Variants in KLHL6 observed in about 807,000 individuals in gnomAD.
The protein encoded by KLHL6 is kelch-like protein 6.
In KLHL6, 41 loss-of-function variants were observed where a neutral mutation model predicts 58.6. The observed-to-expected ratio is 0.70, with a 90% confidence interval of 0.55 to 0.91. The LOEUF is 0.91. Ranked by LOEUF, KLHL6 falls within the 40% of genes least tolerant of loss-of-function variation. KLHL6 has a pLI of 0.00. For missense variants in KLHL6, 714 were observed against 805.6 expected, an observed-to-expected ratio of 0.89 and a Z score of 1.38; for synonymous variants, 338 against 322.7, an observed-to-expected ratio of 1.05 and a Z score of -0.51.
chr3:183,528,885 A>G (rs900597036), intron 1 of KLHL6, among the ~76,000 whole-genome samples: 11 of 152,226 alleles, frequency 7.2e-5, no homozygotes, highest in African/African-American at 2.7e-4. Flanking sequence ...TAGCAAAGAC[A>G]TAGAATCAAC....
intron 1 of KLHL6, among the ~76,000 whole-genome samples, chr3:183,529,580 G>A (rs1712090177): frequency 6.6e-6 from 1 of 152,166 alleles, no homozygotes; most frequent in African/African-American, 2.4e-5. Context: ...GCTTATGCTT[G>A]TAATCCCAGC....
chr3:183,492,742 G>A lies in KLHL6; in HGVS notation c.1351-35C>T, dbSNP rs755054008. ...CACAGGGCACAAGAAGAAGCTGTCA[G>A]TCATGCTGCCCAGATTGCTGCAGTA... On this transcript the variant is annotated intron_variant, in intron 5 of 6. Coordinates refer to ENST00000341319, the MANE Select transcript of KLHL6 (RefSeq NM_130446.4). The surrounding 1 kb of genome is among the most constrained non-coding windows in gnomAD (Gnocchi z 5.9). 3.8e-6 allele frequency: 6 copies of A among 1,599,692 alleles called. No individual in the cohort carries two copies. Among genetic ancestry groups the A allele is most frequent in the Non-Finnish European group, 5.1e-6 (6 of 1,169,838 alleles).
intron 1 of KLHL6, among the ~76,000 whole-genome samples, chr3:183,540,465 T>A (rs1488828233): frequency 6.6e-6 from 1 of 152,182 alleles, no homozygotes; most frequent in Non-Finnish European, 1.5e-5. Context: ...CTTGGACCAG[T>A]TTGAGCTGAA....
At position 183,488,893 on chromosome 3, in the gene KLHL6, A is replaced by G. The variant is rs375638291; in HGVS notation, c.*3034T>C. The G allele has an allele frequency of 1.5e-4, 23 of 152,304 alleles. No homozygotes were observed. Among genetic ancestry groups the G allele is most frequent in the African/African-American group, 5.3e-4 (22 of 41,562 alleles). The allele number at this position is 152,304 out of a possible 1,614,324, so 9.4% of individuals were successfully genotyped here. On this transcript the variant is annotated 3_prime_UTR_variant, in exon 7 of 7. Transcript: ENST00000341319. ...GGTGTATCTGTTCCCTACCCATGCC[A>G]TTATTAGGAATCCCTATTTCTTGAG...
chr3:183,519,674 G>A (rs939563073), intron 2 of KLHL6, among the ~76,000 whole-genome samples: 5 of 151,756 alleles, frequency 3.3e-5, no homozygotes, highest in African/African-American at 4.8e-5. Context: ...ATTGCTTGAG[G>A]CAAGGAGTTC....
chr3:183,548,926 A>G (rs1304570556), intron 1 of KLHL6: 1 of 151,810 alleles, frequency 6.6e-6, no homozygotes, highest in Non-Finnish European at 1.5e-5. Flanking sequence ...GTTCTCACTC[A>G]TAAGTGGGAG....
At chr3:183,526,163 TA>T (rs1711960019) in intron 2 of KLHL6, among the ~76,000 whole-genome samples, 1 of 151,998 alleles carries the variant, frequency 6.6e-6, no homozygotes, top group African/African-American at 2.4e-5. Flanking sequence ...CAAAAAAAAT[TA>T]GCCGGGCGTG....
At chr3:183,500,757 G>C (rs776409262) in intron 3 of KLHL6, among the ~76,000 whole-genome samples, 40 of 152,180 alleles carry the variant, frequency 2.6e-4, no homozygotes, top group Non-Finnish European at 4.9e-4. Flanking sequence ...AGGTTCCATA[G>C]GTGTGCTGAC....
At chr3:183,531,424 C>G (rs1712153466) in intron 1 of KLHL6, among the ~76,000 whole-genome samples, 1 of 138,822 alleles carries the variant, frequency 7.2e-6, no homozygotes, top group African/African-American at 2.7e-5. Flanking sequence ...TTCCTTCTTT[C>G]TGTTCTTTTT....
chr3:183,501,603 C>T (rs1717868254), intron 3 of KLHL6, among the ~76,000 whole-genome samples: 1 of 152,174 alleles, frequency 6.6e-6, no homozygotes, highest in Non-Finnish European at 1.5e-5. Flanking sequence ...TAGCCGTGAT[C>T]TTACCTCCTG....
chr3:183,548,228 T>G (rs1712791898), intron 1 of KLHL6, among the ~76,000 whole-genome samples: 1 of 152,180 alleles, frequency 6.6e-6, no homozygotes, highest in Non-Finnish European at 1.5e-5. Context: ...TTCTCACCAT[T>G]TGGGAAGCCC....
chr3:183,504,542 T>C (rs1000230775), intron 3 of KLHL6, among the ~76,000 whole-genome samples: 4 of 152,198 alleles, frequency 2.6e-5, no homozygotes, highest in African/African-American at 9.6e-5. Flanking sequence ...TGCAGCAATT[T>C]TGCAGAAGAC....
intron 1 of KLHL6, among the ~76,000 whole-genome samples, chr3:183,534,073 CCTTTAAAAGTACTTTACTTTTAAAGTA>C (rs1553812518): frequency 0.036 from 1,366 of 38,308 alleles, 15 homozygotes; most frequent in Middle Eastern, 0.081. Flanking sequence ...TAATCACCAG[CCTTTAAAAGTACTTTACTTTTAAAGTA>C]CTTTAAAAGT....
chr3:183,496,953 C>T (rs1003850207), intron 4 of KLHL6, among the ~76,000 whole-genome samples: 1 of 152,098 alleles, frequency 6.6e-6, no homozygotes, highest in Non-Finnish European at 1.5e-5. Context: ...GCCTGGCCAA[C>T]ATGGTGAAAC....
At chr3:183,546,135 G>A (rs1712709918) in intron 1 of KLHL6, among the ~76,000 whole-genome samples, 1 of 152,176 alleles carries the variant, frequency 6.6e-6, no homozygotes, top group Non-Finnish European at 1.5e-5. Flanking sequence ...CCCTACAAGT[G>A]TATCCAGGGC....
chr3:183,512,430 A>G (rs1718215247), intron 2 of KLHL6, among the ~76,000 whole-genome samples: 1 of 152,244 alleles, frequency 6.6e-6, no homozygotes, highest in African/African-American at 2.4e-5. Flanking sequence ...TCTTTTAGAC[A>G]TAACTGAAAT....
intron 1 of KLHL6, among the ~76,000 whole-genome samples, chr3:183,529,134 C>A (rs1466259614): frequency 6.6e-6 from 1 of 152,108 alleles, no homozygotes; most frequent in Non-Finnish European, 1.5e-5. Context: ...ACAACACACA[C>A]TGAGGCCTAC....
intron 2 of KLHL6, among the ~76,000 whole-genome samples, chr3:183,511,133 G>A (rs538904398): frequency 6.6e-6 from 1 of 152,142 alleles, no homozygotes; most frequent in East Asian, 1.9e-4. Flanking sequence ...TCAATAAGAG[G>A]AATGCAGTAG....
intron 1 of KLHL6, among the ~76,000 whole-genome samples, chr3:183,543,827 G>T (rs2108694883): frequency 6.6e-6 from 1 of 152,284 alleles, no homozygotes; most frequent in East Asian, 1.9e-4. Flanking sequence ...TTCAGAAAGG[G>T]CTATGATGCA....
Sources: allele counts gnomAD v4.1 joint callset (sites outside exome capture counted in the v4.1 genomes callset), GRCh38; gene constraint gnomAD v4.1.1; non-coding constraint Gnocchi (gnomAD v3.1); transcripts MANE v1.5; gene names NCBI Gene and HGNC (gene_info 2026-07-23, HGNC 2026-07-21).